CLYBL: variants seen among roughly 807,000 people sequenced by gnomAD.
CLYBL encodes citramalyl-CoA lyase.
CLYBL carries 31 observed loss-of-function variants against 38.9 expected under a neutral mutation model. That is an observed-to-expected ratio of 0.80 (90% CI 0.60 to 1.08). The LOEUF (loss-of-function observed/expected upper bound fraction) is 1.08. CLYBL is among the 50% of genes least tolerant of loss of function. CLYBL has a pLI of 0.00. For synonymous variants in CLYBL, 171 were observed against 158.6 expected, an observed-to-expected ratio of 1.08 and a Z score of -0.59; for missense variants, 434 against 411.6, an observed-to-expected ratio of 1.05 and a Z score of -0.47.
intron 2 of CLYBL, among the ~76,000 whole-genome samples, chr13:99,825,317 G>A (rs1594205882): frequency 6.6e-6 from 1 of 152,248 alleles, no homozygotes; most frequent in Non-Finnish European, 1.5e-5. Flanking sequence ...TCTGTAAAAT[G>A]GGAATAATAT....
rs112391180 is a variant in CLYBL, at chr13:99,882,254, C to T, written c.928-9064C>T. 3.9e-4 allele frequency among the ~76,000 whole-genome samples: 60 copies of T among 152,294 alleles called. 1 individual carries two copies. Among genetic ancestry groups the T allele is most frequent in the African/African-American group, 1.3e-3 (56 of 41,566 alleles). On this transcript the variant is annotated intron_variant, in intron 7 of 8. Transcript: ENST00000339105. ...GGTAAAAAGCCTTAGATTCTAGTCT[C>T]GTCCTCTTAAGTTCCTTTATAAGAT...
At chr13:99,858,502 T>C (rs2051514095) in intron 2 of CLYBL, among the ~76,000 whole-genome samples, 1 of 152,222 alleles carries the variant, frequency 6.6e-6, no homozygotes, top group South Asian at 2.1e-4. Context: ...GGAAAGAACA[T>C]AGAACCATGC....
At chr13:99,698,370 A>T (rs2048011487) in intron 1 of CLYBL, among the ~76,000 whole-genome samples, 1 of 151,506 alleles carries the variant, frequency 6.6e-6, no homozygotes, top group Non-Finnish European at 1.5e-5. Flanking sequence ...AGATGGGCTC[A>T]GTATTACCGT....
intron 2 of CLYBL, among the ~76,000 whole-genome samples, chr13:99,811,921 C>G (rs1168482237): frequency 6.6e-6 from 1 of 152,172 alleles, no homozygotes; most frequent in African/African-American, 2.4e-5. Flanking sequence ...TAAAGCAATA[C>G]CAGCCAACTA....
intron 1 of CLYBL, among the ~76,000 whole-genome samples, chr13:99,751,500 C>T (rs1422919330): frequency 2.0e-5 from 3 of 152,180 alleles, no homozygotes; most frequent in East Asian, 1.9e-4. Flanking sequence ...GGATTACAGG[C>T]GTGAGCCCCT....
At chr13:99,816,394 C>T (rs1396709150) in intron 2 of CLYBL, among the ~76,000 whole-genome samples, 3 of 152,236 alleles carry the variant, frequency 2.0e-5, no homozygotes, top group Non-Finnish European at 4.4e-5. Context: ...TGACTGTGCC[C>T]TTACTTTTGC....
intron 1 of CLYBL, among the ~76,000 whole-genome samples, chr13:99,642,191 G>T (rs1409443965): frequency 1.3e-5 from 2 of 152,212 alleles, no homozygotes; most frequent in East Asian, 3.9e-4. Context: ...CATTCTCATT[G>T]CAGGGGGCGG....
chr13:99,747,862 A>G (rs1205844308), intron 1 of CLYBL, among the ~76,000 whole-genome samples: 2 of 152,206 alleles, frequency 1.3e-5, no homozygotes, highest in African/African-American at 2.4e-5. Context: ...AATCTGATCA[A>G]TACGTTTTTG....
In CLYBL at chr13:99,622,791, G is replaced by A. The variant is rs149768498; in HGVS notation, c.62+16034G>A. 5.4e-3 allele frequency among the ~76,000 whole-genome samples: 433 copies of A among 80,548 alleles called. 3 individuals carry two copies. Among genetic ancestry groups the A allele is most frequent in the African/African-American group, 0.014 (418 of 29,434 alleles). 52.8% of individuals were successfully genotyped at this position (80,548 alleles called of 152,430 possible). A position where few individuals can be genotyped will look rare whatever the true frequency, so the allele number is the denominator to read the frequency against. ...TTGTATGGATATAGCACTACATTTT[G>A]TTTATTTTTTAAATTAAATTTAATT... On this transcript the variant is annotated intron_variant, in intron 1 of 8. Transcript: ENST00000339105.
chr13:99,893,327 G>A (rs904494195), downstream of CLYBL: 1 of 152,474 alleles, frequency 6.6e-6, no homozygotes, highest in Admixed American at 6.5e-5. Context: ...CCAAGGATGG[G>A]ACTCCTGGAG....
chr13:99,722,619 A>G (rs1477596133), intron 1 of CLYBL, among the ~76,000 whole-genome samples: 1 of 151,474 alleles, frequency 6.6e-6, no homozygotes, highest in Non-Finnish European at 1.5e-5. Flanking sequence ...AGCAGATAGA[A>G]GCAGTATTCC....
intron 1 of CLYBL, among the ~76,000 whole-genome samples, chr13:99,614,800 A>G (rs1798890486): frequency 6.6e-6 from 1 of 151,574 alleles, no homozygotes; most frequent in Non-Finnish European, 1.5e-5. Context: ...CTGAAGATCA[A>G]CTCTTTACTG....
chr13:99,853,811 G>A (rs573981072), intron 2 of CLYBL, among the ~76,000 whole-genome samples: 67 of 152,252 alleles, frequency 4.4e-4, no homozygotes, highest in African/African-American at 1.3e-3. Flanking sequence ...GAAAAAGGCC[G>A]TCCTTAAATA....
At chr13:99,611,009 A>G (rs1024212940) in intron 1 of CLYBL, among the ~76,000 whole-genome samples, 1 of 152,248 alleles carries the variant, frequency 6.6e-6, no homozygotes, top group African/African-American at 2.4e-5. Context: ...ACCACAAGAC[A>G]GGTCAAATAG....
chr13:99,908,779 T>G (rs1356686483), exon 10 of CLYBL, among the ~76,000 whole-genome samples: 1 of 152,188 alleles, frequency 6.6e-6, no homozygotes, highest in Non-Finnish European at 1.5e-5. Flanking sequence ...AGGCAGAAAG[T>G]TGGTCTACTT....
intron 7 of CLYBL, among the ~76,000 whole-genome samples, chr13:99,883,012 G>A (rs1192690362): frequency 1.3e-5 from 2 of 152,074 alleles, no homozygotes; most frequent in African/African-American, 4.8e-5. Flanking sequence ...CCCATCGTTG[G>A]ATCCTCGGAC....
At chr13:99,900,487 C>T (rs948001276), downstream of CLYBL, among the ~76,000 whole-genome samples, 1 of 152,064 alleles carries the variant, frequency 6.6e-6, no homozygotes, top group African/African-American at 2.4e-5. Flanking sequence ...TCTTGCAGAC[C>T]CTTAAGGGCT....
At chr13:99,721,759 C>T (rs945560464) in intron 1 of CLYBL, among the ~76,000 whole-genome samples, 1 of 151,974 alleles carries the variant, frequency 6.6e-6, no homozygotes, top group Non-Finnish European at 1.5e-5. Flanking sequence ...TTCCCAGGTA[C>T]CCATTGGCCC....
At chr13:99,708,145 AT>A in intron 1 of CLYBL, among the ~76,000 whole-genome samples, 5 of 152,002 alleles carry the variant, frequency 3.3e-5, no homozygotes, top group African/African-American at 1.2e-4. Context: ...CACCCGGCTA[AT>A]TTTTTTGTAT....
Sources: allele counts gnomAD v4.1 joint callset (sites outside exome capture counted in the v4.1 genomes callset), GRCh38; gene constraint gnomAD v4.1.1; transcripts MANE v1.5; gene names NCBI Gene and HGNC (gene_info 2026-07-23, HGNC 2026-07-21).